The following KANSL3 variants were observed in gnomAD, a reference collection of about 807,000 sequenced individuals.
The protein encoded by KANSL3 is KAT8 regulatory NSL complex subunit 3.
KANSL3 carries 16 observed loss-of-function variants against 89.2 expected under a neutral mutation model. That is an observed-to-expected ratio of 0.18 (90% confidence interval 0.12 to 0.27). The LOEUF is 0.27. Ranked by LOEUF, KANSL3 falls within the 10% of genes least tolerant of loss-of-function variation. KANSL3 has a pLI of 1.00. For synonymous variants in KANSL3, 385 were observed against 419.7 expected, an observed-to-expected ratio of 0.92 and a Z score of 1.01; for missense variants, 879 against 1,110.6, an observed-to-expected ratio of 0.79 and a Z score of 2.96.
At position 96,612,915 on chromosome 2, in the gene KANSL3, G is replaced by A. The variant is rs866203642; in HGVS notation, c.815C>T (p.Pro272Leu). The A allele has an allele frequency of 3.2e-6, 5 of 1,561,572 alleles. No homozygotes were observed. Among genetic ancestry groups the A allele is most frequent in the African/African-American group, 1.4e-5 (1 of 73,602 alleles). Residue 272 changes from proline to leucine, a missense_variant, in exon 7 of 21, where the codon CCG becomes CTG. Pro to Leu is a moderately conservative substitution (Grantham distance 98, BLOSUM62 -3). Around this residue, in one of 6 missense-constraint regions of KANSL3, gnomAD observed 198 missense variants for 260.3 expected, o/e 0.76. Coordinates refer to ENST00000431828, the MANE Select transcript of KANSL3 (RefSeq NM_001115016.3). ...HNKPSKLPGS[P>L]LILIASSGPS... The stretch of plus-strand genomic sequence containing the variant: ...ACCAGAGGAGGCGATGAGAATCAGC[G>A]GAGAGCCAGGGAGTTTGCTCTAAAG...
rs565403468 is a variant in KANSL3, at chr2:96,595,542, C to T, written c.*69G>A. 6.9e-5 allele frequency: 108 copies of T among 1,570,880 alleles called. No homozygotes were observed. The highest frequency in any genetic ancestry group is 9.0e-5 in the Non-Finnish European group (103 of 1,143,910). On this transcript the variant is annotated 3_prime_UTR_variant, in exon 21 of 21. Transcript: ENST00000431828. ...ACGTGGACAGCTCAGCAGGACCACA[C>T]ACCTGTCCAGGGCCCACCATGAGGC...
intron 7 of KANSL3, 77 bp from the exon 8 acceptor site, chr2:96,612,640 C>T (rs558993683): frequency 2.8e-5 from 37 of 1,334,308 alleles, no homozygotes; most frequent in South Asian, 1.9e-4. Context: ...TAACCTAAAC[C>T]CAAAACCTTG....
chr2:96,619,814 T>G, intron 3 of KANSL3, 52 bp from the exon 4 acceptor site: 1 of 1,310,568 alleles, frequency 7.6e-7, no homozygotes, highest in Non-Finnish European at 1.1e-6. Flanking sequence ...ACGCTCCCCA[T>G]GTATGTACAC....
At chr2:96,582,271 G>A in the KANSL3 span, among the ~76,000 whole-genome samples, 2 of 152,004 alleles carry the variant, frequency 1.3e-5, no homozygotes, top group African/African-American at 2.4e-5. Flanking sequence ...GGTGGCACAC[G>A]CCTGTAATCC....
intron 2 of KANSL3, 116 bp downstream of exon 2, chr2:96,636,805 A>T: frequency 2.3e-6 from 2 of 866,490 alleles, no homozygotes; most frequent in Non-Finnish European, 3.5e-6. Context: ...GCCTGAATTT[A>T]ACATCCAAAT....
chr2:96,596,108 C>T (rs1371074319), intron 20 of KANSL3, among the ~76,000 whole-genome samples: 1 of 152,176 alleles, frequency 6.6e-6, no homozygotes, highest in Admixed American at 6.5e-5. Context: ...ATTTTGAGGC[C>T]TTAGACATGT....
At position 96,604,820 on chromosome 2, in the gene KANSL3, T is replaced by C; in HGVS notation, c.1977A>G (p.Ser659=). 6.2e-7 allele frequency: 1 copy of C among 1,600,894 alleles called. No homozygotes were observed. The highest frequency in any genetic ancestry group is 1.7e-4 in the Middle Eastern group (1 of 6,054). The part of the protein sequence containing the change: ...KPITMTLGQA[S]AGAKELTGLL... The stretch of plus-strand genomic sequence containing the variant: ...GTCCTGTGAGCTCCTTGGCCCCTGC[T>C]GAAGCCTGCCCCAGTGTCATGGTGA... Residue 659 remains serine, a synonymous_variant, in exon 16 of 21, where the codon TCA becomes TCG. Transcript: ENST00000431828.
At chr2:96,605,295 AT>A (rs759801943) in intron 15 of KANSL3, 24 bp downstream of exon 15, 11 of 1,591,456 alleles carry the variant, frequency 6.9e-6, no homozygotes, top group Non-Finnish European at 9.4e-6. Flanking sequence ...CTCAGTTCTC[AT>A]TTAACGTACC....
Position 96,608,602 on chromosome 2 carries a change from G to C in KANSL3, c.1647C>G (p.Thr549=). ...SSPKTKVTTV[T]SAQKSSQIGS... ...CAATCTGACTGGACTTCTGGGCAGA[G>C]GTCACTGTGGTCACTTTGGTCTTGG... Residue 549 remains threonine (T), a synonymous_variant, in exon 14 of 21, where the codon ACC becomes ACG. Coordinates refer to ENST00000431828, the MANE Select transcript of KANSL3 (RefSeq NM_001115016.3). The C allele has an allele frequency of 6.2e-7, 1 of 1,613,994 alleles. No homozygotes were observed. Among genetic ancestry groups the C allele is most frequent in the Non-Finnish European group, 8.5e-7 (1 of 1,179,860 alleles).
chr2:96,628,195 T>C (rs1196496474), intron 3 of KANSL3: 4 of 1,271,892 alleles, frequency 3.1e-6, no homozygotes, highest in Non-Finnish European at 4.1e-6. Context: ...AGAGGAAAGA[T>C]GTGTACATCC....
In KANSL3 at chr2:96,610,815, T is replaced by C. The variant is rs768368446; in HGVS notation, c.1230A>G (p.Gln410=). 2.9e-5 allele frequency: 47 copies of C among 1,613,846 alleles called. No homozygotes were observed. Among genetic ancestry groups the C allele is most frequent in the East Asian group, 1.3e-4 (6 of 44,902 alleles). ...VLFVIGQNSL[Q]CHPEAMEDFR... ...AGTCCTCCATGGCTTCAGGGTGACA[T>C]TGAAGGGAATTCTGACCAATGACAA... is the stretch of plus-strand genomic sequence containing the variant. The change falls in exon 11 of 21, where the codon CAA becomes CAG. Residue 410 remains glutamine, a synonymous_variant. Transcript: ENST00000431828.
intron 8 of KANSL3, 35 bp downstream of exon 8, chr2:96,612,427 T>A: frequency 6.2e-7 from 1 of 1,603,528 alleles, no homozygotes; most frequent in Non-Finnish European, 8.5e-7. Flanking sequence ...GAATGCTGGG[T>A]ATGCCACAAT....
the KANSL3 span, among the ~76,000 whole-genome samples, chr2:96,582,295 G>C: frequency 6.6e-6 from 1 of 152,102 alleles, no homozygotes; most frequent in African/African-American, 2.4e-5. Flanking sequence ...CTACTCTAGA[G>C]GCTAAGGCAG....
intron 5 of KANSL3, chr2:96,615,506 T>C: frequency 1.6e-6 from 2 of 1,287,632 alleles, no homozygotes. Context: ...AGAAGAAATA[T>C]CTGCGAATTC....
Position 96,631,396 on chromosome 2 carries a change from T to C in KANSL3, c.302A>G (p.Asn101Ser). ...YDNQKARSVM[N>S]ECERHVIFAR... ...AAAGATGACATGCCGTTCACACTCA[T>C]TCATCACGCTGCGTGCCTTCTGATT... Residue 101 changes from asparagine to serine, a missense_variant, in exon 3 of 21, where the codon AAT becomes AGT. Physicochemically the swap from Asn to Ser is conservative, Grantham distance 46. This residue lies in a region of KANSL3 where 210 missense variants were observed against 311.9 expected (regional missense o/e 0.67). Transcript: ENST00000431828. 3 of 1,609,040 alleles carry C rather than the reference T, an allele frequency of 1.9e-6. No individual in the cohort carries two copies. The highest frequency in any genetic ancestry group is 1.3e-5 in the African/African-American group (1 of 74,974).
intron 14 of KANSL3, among the ~76,000 whole-genome samples, chr2:96,607,769 T>C (rs2068228686): frequency 6.6e-6 from 1 of 152,194 alleles, no homozygotes; most frequent in African/African-American, 2.4e-5. Flanking sequence ...TCCACGTCTG[T>C]CTGCCAGACA....
At chr2:96,622,146 A>T (rs553403227) in intron 3 of KANSL3, among the ~76,000 whole-genome samples, 1 of 151,808 alleles carries the variant, frequency 6.6e-6, no homozygotes, top group East Asian at 1.9e-4. Flanking sequence ...AAATGCAGCC[A>T]GGCAAAGTGG....
At chr2:96,623,302 C>T (rs901747808) in intron 3 of KANSL3, among the ~76,000 whole-genome samples, 12 of 152,164 alleles carry the variant, frequency 7.9e-5, no homozygotes, top group African/African-American at 2.7e-4. Flanking sequence ...TGTCTTTCGC[C>T]ATACCAAGAC....
chr2:96,627,066 G>T (rs2072472919), intron 3 of KANSL3, among the ~76,000 whole-genome samples: 1 of 152,148 alleles, frequency 6.6e-6, no homozygotes, highest in East Asian at 1.9e-4. Flanking sequence ...ACAAAAACAA[G>T]CAATGGGCCA....
Sources: allele counts gnomAD v4.1 joint callset (sites outside exome capture counted in the v4.1 genomes callset), GRCh38; gene constraint gnomAD v4.1.1; regional missense constraint gnomAD v4.1.1; transcripts MANE v1.5; gene names NCBI Gene and HGNC (gene_info 2026-07-23, HGNC 2026-07-21).